Variants in KCND3 observed in about 807,000 individuals in gnomAD.
KCND3 encodes potassium voltage-gated channel subfamily D member 3.
A neutral mutation model predicts 51.1 loss-of-function variants in KCND3; 9 were observed. That is an observed-to-expected ratio of 0.18 (90% CI 0.11 to 0.31). KCND3 has a LOEUF of 0.31. Among genes scored for constraint, KCND3 ranks in the 10% least tolerant of loss-of-function variants. The probability of loss-of-function intolerance (pLI) is 1.00; values close to 1 mark genes in which losing one functional copy is unlikely to be tolerated. For synonymous variants in KCND3, 349 were observed against 368.0 expected (o/e 0.95, Z 0.59); for missense variants, 526 against 903.8 (o/e 0.58, Z 5.36).
chr1:111,911,119 G>C (rs943346661), intron 2 of KCND3, among the ~76,000 whole-genome samples: 1 of 152,158 alleles, frequency 6.6e-6, no homozygotes, highest in Admixed American at 6.5e-5. Context: ...CCCTGACTCT[G>C]ACTAAGATGG....
chr1:111,835,641 T>C (rs1376365837), intron 2 of KCND3, among the ~76,000 whole-genome samples: 1 of 152,218 alleles, frequency 6.6e-6, no homozygotes, highest in African/African-American at 2.4e-5. Context: ...ACCAATGCCA[T>C]GACAGTTAAG....
intron 2 of KCND3, among the ~76,000 whole-genome samples, chr1:111,913,088 C>T (rs1671040366): frequency 6.6e-6 from 1 of 152,020 alleles, no homozygotes; most frequent in African/African-American, 2.4e-5. Flanking sequence ...GATAAGTGCC[C>T]TAATACTGGT....
Position 111,933,005 on chromosome 1 carries a change from C to T in KCND3, c.1106+48616G>A, listed in dbSNP as rs142063449. Among the ~76,000 whole-genome samples, 456 of 152,248 alleles carry T rather than the reference C, an allele frequency of 3.0e-3. 4 individuals are homozygous for T. The highest frequency in any genetic ancestry group is 0.011 in the African/African-American group (442 of 41,518). Reference sequence around the variant, plus strand: ...CCAAAATCTCATCTTAAATTGTAATCCCCATAATCCCCATGTGTCAAGGGT... The same window carrying T: ...CCAAAATCTCATCTTAAATTGTAATTCCCATAATCCCCATGTGTCAAGGGT... On this transcript the variant is annotated intron_variant, in intron 2 of 7. Coordinates refer to ENST00000302127, the MANE Select transcript of KCND3 (RefSeq NM_001378969.1).
rs79487012 is a variant in KCND3, at chr1:111,858,632, C to T, written c.1107-71526G>A. On this transcript the variant is annotated intron_variant, in intron 2 of 7. Coordinates refer to ENST00000302127, the MANE Select transcript of KCND3 (RefSeq NM_001378969.1). ...GTGTTGTGGGCCCTAAGCACAGTCT[C>T]TCCTGTGCCTGATGGATGGGTCAGT... Among the ~76,000 whole-genome samples the T allele has an allele frequency of 7.9e-5, 12 of 152,334 alleles. No homozygotes were observed. The East Asian group carries it at 2.3e-3, about 29-fold the overall frequency.
chr1:111,895,037 G>A (rs572148980), intron 2 of KCND3, among the ~76,000 whole-genome samples: 2 of 150,268 alleles, frequency 1.3e-5, no homozygotes, highest in African/African-American at 4.9e-5. Context: ...GGATGAGAGG[G>A]AGATGTGGAG....
intron 2 of KCND3, among the ~76,000 whole-genome samples, chr1:111,907,346 C>G (rs1670696003): frequency 6.6e-6 from 1 of 152,208 alleles, no homozygotes; most frequent in African/African-American, 2.4e-5. Flanking sequence ...TGTGTGTGGG[C>G]TGGACTTGTT....
At chr1:111,892,158 G>C (rs2101764762) in intron 2 of KCND3, among the ~76,000 whole-genome samples, 1 of 152,302 alleles carries the variant, frequency 6.6e-6, no homozygotes, top group African/African-American at 2.4e-5. Context: ...CAGAACTGAC[G>C]ACGACGGATG....
chr1:111,948,198 C>T (rs1320449082), intron 2 of KCND3, among the ~76,000 whole-genome samples: 3 of 152,266 alleles, frequency 2.0e-5, no homozygotes, highest in African/African-American at 7.2e-5. Flanking sequence ...TCCCTCTCTG[C>T]TCTGCCTCTA....
Position 111,841,014 on chromosome 1 carries a change from A to G in KCND3, c.1107-53908T>C, listed in dbSNP as rs552561900. On this transcript the variant is annotated intron_variant, in intron 2 of 7. Coordinates refer to ENST00000302127, the MANE Select transcript of KCND3 (RefSeq NM_001378969.1). ...GATTCATTCTTTTCTGTGGATCACAATGAAGTCTAGACTCAGTTCCCCTAT... is the reference window on the plus strand; with the variant it reads ...GATTCATTCTTTTCTGTGGATCACAGTGAAGTCTAGACTCAGTTCCCCTAT... Among the ~76,000 whole-genome samples, 36 of 152,370 alleles carry G rather than the reference A, an allele frequency of 2.4e-4. 1 individual carries two copies. Among genetic ancestry groups the G allele is most frequent in the Admixed American group, 5.2e-4 (8 of 15,310 alleles).
At chr1:111,784,992 A>G (rs1664546764) in intron 3 of KCND3, among the ~76,000 whole-genome samples, 1 of 152,036 alleles carries the variant, frequency 6.6e-6, no homozygotes, top group Non-Finnish European at 1.5e-5. Context: ...AGGTGGGAGG[A>G]TTCCTGGACC....
chr1:111,945,288 G>A (rs920853475), intron 2 of KCND3, among the ~76,000 whole-genome samples: 7 of 152,344 alleles, frequency 4.6e-5, no homozygotes, highest in Non-Finnish European at 7.3e-5. Flanking sequence ...GGCTCGGCAT[G>A]CACAGGAGGG....
chr1:111,975,961 A>C (rs1674603728), intron 2 of KCND3, among the ~76,000 whole-genome samples: 2 of 152,198 alleles, frequency 1.3e-5, no homozygotes, highest in Non-Finnish European at 2.9e-5. Flanking sequence ...CATGAAATAG[A>C]AACTATCCCT....
intron 2 of KCND3, among the ~76,000 whole-genome samples, chr1:111,916,632 A>T (rs1671230553): frequency 6.6e-6 from 1 of 152,206 alleles, no homozygotes; most frequent in African/African-American, 2.4e-5. Context: ...TTTCTAAAAA[A>T]GATGAATAAA....
At chr1:111,921,271 G>A (rs919037823) in intron 2 of KCND3, among the ~76,000 whole-genome samples, 1 of 152,198 alleles carries the variant, frequency 6.6e-6, no homozygotes, top group Admixed American at 6.5e-5. Flanking sequence ...ATGTGTAGCT[G>A]GAATTTGCTT....
chr1:111,805,785 C>T (rs1665538648), intron 2 of KCND3, among the ~76,000 whole-genome samples: 1 of 152,176 alleles, frequency 6.6e-6, no homozygotes, highest in Non-Finnish European at 1.5e-5. Context: ...GAAAATTCCC[C>T]GCGGCTGCAG....
At chr1:111,966,627 G>A (rs1307369165) in intron 2 of KCND3, among the ~76,000 whole-genome samples, 2 of 152,210 alleles carry the variant, frequency 1.3e-5, no homozygotes, top group African/African-American at 2.4e-5. Flanking sequence ...CCCTAAGTCT[G>A]TGCCAGGACA....
chr1:111,928,474 C>T (rs1053496931), intron 2 of KCND3, among the ~76,000 whole-genome samples: 2 of 152,224 alleles, frequency 1.3e-5, no homozygotes, highest in Admixed American at 1.3e-4. Flanking sequence ...CAAGCAAAGA[C>T]CAGGGGTGGG....
chr1:111,892,634 C>T (rs760453188), intron 2 of KCND3, among the ~76,000 whole-genome samples: 9 of 152,158 alleles, frequency 5.9e-5, no homozygotes, highest in Non-Finnish European at 1.3e-4. Flanking sequence ...AATAAATGAA[C>T]ACATACATGA....
rs1202423137 is a variant in KCND3, at chr1:111,775,254, G to A, written c.*823C>T. ...GTGTTTCAGGATCATTGGGATCCAG[G>A]TAGAGACAGATGGCTGGACACAGAA... On this transcript the variant is annotated 3_prime_UTR_variant, in exon 8 of 8. Transcript: ENST00000302127. 6.6e-6 allele frequency: 1 copy of A among 152,536 alleles called. No homozygotes were observed. Among genetic ancestry groups the A allele is most frequent in the Non-Finnish European group, 1.5e-5 (1 of 68,316 alleles). The allele number at this position is 152,536 out of a possible 1,614,324, so 9.4% of individuals were successfully genotyped here. A position where few individuals can be genotyped will look rare whatever the true frequency, so the allele number is the denominator to read the frequency against.
Sources: allele counts gnomAD v4.1 joint callset (sites outside exome capture counted in the v4.1 genomes callset), GRCh38; gene constraint gnomAD v4.1.1; transcripts MANE v1.5; gene names NCBI Gene and HGNC (gene_info 2026-07-23, HGNC 2026-07-21).